CLOCK: variants seen among roughly 807,000 people sequenced by gnomAD.
CLOCK encodes circadian locomoter output cycles protein kaput.
In CLOCK, 43 loss-of-function variants were observed where a neutral mutation model predicts 118.4. That is an observed-to-expected ratio of 0.36 (90% CI 0.28 to 0.47). CLOCK has a LOEUF of 0.47. CLOCK is among the 20% of genes least tolerant of loss of function. The probability of loss-of-function intolerance (pLI) is 1.00; values close to 1 mark genes in which losing one functional copy is unlikely to be tolerated. For missense variants in CLOCK, 846 were observed against 999.9 expected, an observed-to-expected ratio of 0.85 and a Z score of 2.08; for synonymous variants, 326 against 339.2, an observed-to-expected ratio of 0.96 and a Z score of 0.43.
At chr4:55,503,442 A>G (rs1728564752) in intron 2 of CLOCK, among the ~76,000 whole-genome samples, 1 of 152,176 alleles carries the variant, frequency 6.6e-6, no homozygotes, top group South Asian at 2.1e-4. Flanking sequence ...GGAGTGTGTA[A>G]TAACTGTTAA....
intron 9 of CLOCK, among the ~76,000 whole-genome samples, chr4:55,462,447 C>T (rs993700751): frequency 6.6e-6 from 1 of 152,066 alleles, no homozygotes; most frequent in African/African-American, 2.4e-5. Context: ...CCACCATGCT[C>T]AGCTAATTTT....
chr4:55,543,087 T>G (rs6853192), intron 1 of CLOCK, among the ~76,000 whole-genome samples: 1 of 151,716 alleles, frequency 6.6e-6, no homozygotes, highest in Non-Finnish European at 1.5e-5. Flanking sequence ...TAATTTTTTT[T>G]AAAAAAATTT....
At chr4:55,532,708 G>A (rs539116752) in intron 1 of CLOCK, among the ~76,000 whole-genome samples, 8 of 152,074 alleles carry the variant, frequency 5.3e-5, no homozygotes, top group African/African-American at 1.7e-4. Flanking sequence ...TTAGCCGAGC[G>A]TGGAAGCATA....
At chr4:55,536,873 A>T (rs1730940473) in intron 1 of CLOCK, among the ~76,000 whole-genome samples, 2 of 152,164 alleles carry the variant, frequency 1.3e-5, no homozygotes, top group African/African-American at 4.8e-5. Flanking sequence ...TATGAGACAT[A>T]AACAAAACAA....
intron 1 of CLOCK, among the ~76,000 whole-genome samples, chr4:55,533,979 C>T (rs1730720792): frequency 6.6e-6 from 1 of 152,184 alleles, no homozygotes; most frequent in East Asian, 1.9e-4. Flanking sequence ...TCAAGACACA[C>T]TACAAAACTT....
intron 12 of CLOCK, 35 bp downstream of exon 12, chr4:55,456,183 T>A: frequency 6.9e-7 from 1 of 1,455,542 alleles, no homozygotes; most frequent in Non-Finnish European, 9.6e-7. Context: ...ATAACATGAC[T>A]ATTACCTTTT....
chr4:55,474,303 G>GT (rs1180289853), intron 7 of CLOCK, among the ~76,000 whole-genome samples: 1 of 152,192 alleles, frequency 6.6e-6, no homozygotes, highest in Admixed American at 6.5e-5. Flanking sequence ...CTTCAATTCT[G>GT]TGAAGGCAGA....
At chr4:55,504,975 G>C (rs988922195) in intron 2 of CLOCK, among the ~76,000 whole-genome samples, 2 of 152,034 alleles carry the variant, frequency 1.3e-5, no homozygotes, top group Admixed American at 6.5e-5. Flanking sequence ...ATGAGGTCAG[G>C]AGTTCGAGAC....
intron 13 of CLOCK, 71 bp downstream of exon 13, chr4:55,455,826 C>T: frequency 9.9e-7 from 1 of 1,013,602 alleles, no homozygotes; most frequent in Non-Finnish European, 1.6e-6. Context: ...TGTCTTACTA[C>T]CTATCATTTC....
intron 13 of CLOCK, 147 bp downstream of exon 13, chr4:55,455,750 T>C (rs2109786012): frequency 1.6e-6 from 1 of 639,730 alleles, no homozygotes; most frequent in Non-Finnish European, 2.8e-6. Context: ...TCCTACTACA[T>C]TGGTTATATA....
At chr4:55,493,017 T>C (rs949758082) in intron 2 of CLOCK, among the ~76,000 whole-genome samples, 2 of 152,192 alleles carry the variant, frequency 1.3e-5, no homozygotes, top group African/African-American at 4.8e-5. Flanking sequence ...TCTTTAGTAC[T>C]TTCTAAAATT....
rs1223439987 is a variant in CLOCK, at chr4:55,428,028, G to A, written c.*7387C>T. On this transcript the variant is annotated 3_prime_UTR_variant, in exon 23 of 23. Transcript: ENST00000513440. Reference sequence around the variant, plus strand: ...ATGCAGGTGATAACTGAAAAACATAGCACTGAGGTATTTTTTATTTTTAAA... The same window carrying A: ...ATGCAGGTGATAACTGAAAAACATAACACTGAGGTATTTTTTATTTTTAAA... 1 of 152,156 alleles carries A rather than the reference G, an allele frequency of 6.6e-6. No homozygotes were observed. Among genetic ancestry groups the A allele is most frequent in the Non-Finnish European group, 1.5e-5 (1 of 68,030 alleles). The allele number at this position is 152,156 out of a possible 1,614,324, so 9.4% of individuals were successfully genotyped here. A position where few individuals can be genotyped will look rare whatever the true frequency, so the allele number is the denominator to read the frequency against.
At chr4:55,482,965 C>T in intron 3 of CLOCK, 137 bp from the exon 4 acceptor site, 1 of 455,762 alleles carries the variant, frequency 2.2e-6, no homozygotes, top group Non-Finnish European at 3.9e-6. Context: ...ACATTATTTT[C>T]AAGCAAATAC....
intron 1 of CLOCK, among the ~76,000 whole-genome samples, chr4:55,544,813 G>A (rs1731500960): frequency 6.6e-6 from 1 of 152,002 alleles, no homozygotes; most frequent in Admixed American, 6.6e-5. Flanking sequence ...TCTATTGTTA[G>A]TTTTCTAAAT....
intron 1 of CLOCK, among the ~76,000 whole-genome samples, chr4:55,523,338 T>G (rs1729962102): frequency 6.6e-6 from 1 of 152,026 alleles, no homozygotes; most frequent in Non-Finnish European, 1.5e-5. Flanking sequence ...CGGACAAATG[T>G]AGAACTCTCA....
rs535597147 is a variant in CLOCK, at chr4:55,497,087, T to C, written c.-135-7622A>G. On this transcript the variant is annotated intron_variant, in intron 2 of 22. Coordinates refer to ENST00000513440, the MANE Select transcript of CLOCK (RefSeq NM_004898.4). Reference sequence around the variant, plus strand: ...ACAAATTTACTATCTTACAGTTCTGTTGGTGAGAGCCCAATATAGGTCTCA... The same window carrying C: ...ACAAATTTACTATCTTACAGTTCTGCTGGTGAGAGCCCAATATAGGTCTCA... 2.0e-3 allele frequency among the ~76,000 whole-genome samples: 302 copies of C among 152,340 alleles called. 1 individual carries two copies. Among genetic ancestry groups the C allele is most frequent in the African/African-American group, 7.0e-3 (291 of 41,574 alleles).
At chr4:55,489,792 T>C (rs990975732) in intron 2 of CLOCK, among the ~76,000 whole-genome samples, 4 of 152,164 alleles carry the variant, frequency 2.6e-5, no homozygotes, top group Non-Finnish European at 5.9e-5. Context: ...TACATTTTTA[T>C]ATGCAATTGA....
At chr4:55,464,421 G>A (rs1006680703) in intron 8 of CLOCK, among the ~76,000 whole-genome samples, 3 of 152,134 alleles carry the variant, frequency 2.0e-5, no homozygotes, top group East Asian at 3.9e-4. Flanking sequence ...AATGTGCCAC[G>A]GCTGTGGAAT....
At chr4:55,489,104 T>G (rs938255581) in intron 3 of CLOCK, among the ~76,000 whole-genome samples, 1 of 152,238 alleles carries the variant, frequency 6.6e-6, no homozygotes, top group Non-Finnish European at 1.5e-5. Context: ...TTGTGTATTA[T>G]TTGTGTTTCT....
Sources: allele counts gnomAD v4.1 joint callset (sites outside exome capture counted in the v4.1 genomes callset), GRCh38; gene constraint gnomAD v4.1.1; transcripts MANE v1.5; gene names NCBI Gene and HGNC (gene_info 2026-07-23, HGNC 2026-07-21).